The following BNIPL variants were observed in gnomAD, a reference collection of about 807,000 sequenced individuals.
The protein encoded by BNIPL is BCL2 interacting protein like.
A neutral mutation model predicts 47.0 loss-of-function variants in BNIPL; 33 were observed. That is an observed-to-expected ratio of 0.70 (90% confidence interval 0.53 to 0.94). The LOEUF is 0.94. Ranked by LOEUF, BNIPL falls within the 40% of genes least tolerant of loss-of-function variation. BNIPL has a pLI of 0.00. For missense variants in BNIPL, 404 were observed against 445.2 expected (o/e 0.91, Z 0.83); for synonymous variants, 145 against 162.7 (o/e 0.89, Z 0.83).
rs1215062374 is a variant in BNIPL, at chr1:151,046,269, G to A, written c.1037+104G>A. The A allele has an allele frequency of 4.0e-6, 6 of 1,500,346 alleles. No individual in the cohort carries two copies. In the East Asian group the frequency reaches 1.2e-4, roughly 31 times the overall value. The allele number at this position is 1,500,346 out of a possible 1,614,324, so 92.9% of individuals were successfully genotyped here. On this transcript the variant is annotated intron_variant, in intron 9 of 9. Coordinates refer to ENST00000368931, the MANE Select transcript of BNIPL (RefSeq NM_138278.4). ...CATACAAAAGAACGAAAAGCTAGAG[G>A]GCCCTGTTTTCGGGTGCTTTAATGT...
chr1:151,045,894 T>C lies in BNIPL; in HGVS notation c.938+11T>C, dbSNP rs1415303457. On this transcript the variant is annotated intron_variant, in intron 8 of 9. Coordinates refer to ENST00000368931, the MANE Select transcript of BNIPL (RefSeq NM_138278.4). ...TCGGCCCTTCATCAGGTACTAGTTCTAGGAACAAGGACTCCTTTCTCCTTC... is the reference window on the plus strand; with the variant it reads ...TCGGCCCTTCATCAGGTACTAGTTCCAGGAACAAGGACTCCTTTCTCCTTC... 15 of 1,614,042 alleles carry C rather than the reference T, an allele frequency of 9.3e-6. No homozygotes were observed. Among genetic ancestry groups the C allele is most frequent in the Non-Finnish European group, 1.2e-5 (14 of 1,180,036 alleles).
intron 4 of BNIPL, among the ~76,000 whole-genome samples, chr1:151,039,590 G>C (rs1323489374): frequency 6.6e-6 from 1 of 152,146 alleles, no homozygotes; most frequent in African/African-American, 2.4e-5. Flanking sequence ...TTCAAAGTAT[G>C]AGCATGACTA....
rs748347003 is a variant in BNIPL, at chr1:151,037,665, G to A, written c.137+3G>A. ...TGGCAGGATGAAGAATTCCCTAGGT[G>A]AGGACGTGTGAGGGTGGCTGGGAGA... On this transcript the variant is annotated splice_donor_region_variant and intron_variant, in intron 2 of 9. Coordinates refer to ENST00000368931, the MANE Select transcript of BNIPL (RefSeq NM_138278.4). 45 of 1,586,002 alleles carry A rather than the reference G, an allele frequency of 2.8e-5. No homozygotes were observed. Among genetic ancestry groups the A allele is most frequent in the Non-Finnish European group, 3.0e-5 (35 of 1,164,688 alleles).
Position 151,046,731 on chromosome 1 carries a change from C to T in BNIPL, c.*44C>T. 1 of 1,479,616 alleles carries T rather than the reference C, an allele frequency of 6.8e-7. No individual in the cohort carries two copies. Among genetic ancestry groups the T allele is most frequent in the Non-Finnish European group, 9.4e-7 (1 of 1,066,664 alleles). 91.7% of individuals were successfully genotyped at this position (1,479,616 alleles called of 1,614,324 possible). On this transcript the variant is annotated 3_prime_UTR_variant, in exon 10 of 10. Transcript: ENST00000368931. ...GCCTTAGAACCAGTTAGTGATCTGC[C>T]TACACCTGAATCCCTGAAACATCTG...
Position 151,043,026 on chromosome 1 carries a change from G to A in BNIPL, c.504G>A (p.Trp168Ter). 6.2e-7 allele frequency: 1 copy of A among 1,612,162 alleles called. No homozygotes were observed. Among genetic ancestry groups the A allele is most frequent in the Non-Finnish European group, 8.5e-7 (1 of 1,179,518 alleles). The change falls in exon 5 of 10, where the codon TGG (tryptophan) becomes TGA (stop). Residue 168 changes from tryptophan to a stop codon, truncating the protein, a stop_gained. Transcript: ENST00000368931. LOFTEE classifies it high-confidence loss of function. ...TAERLGRGCM[W>*]DVTGEDGHHW... is the part of the protein sequence containing the mutation. ...AAAGGCTGGGCCGAGGTTGTATGTGGGATGTGACTGGAGAAGATGGACATC... is the reference window on the plus strand; with the variant it reads ...AAAGGCTGGGCCGAGGTTGTATGTGAGATGTGACTGGAGAAGATGGACATC...
Position 151,046,141 on chromosome 1 carries a change from T to A in BNIPL, c.1013T>A (p.Val338Asp). 6.2e-7 allele frequency: 1 copy of A among 1,614,140 alleles called. No individual in the cohort carries two copies. The highest frequency in any genetic ancestry group is 8.5e-7 in the Non-Finnish European group (1 of 1,180,002). Residue 338 changes from valine (V) to aspartate (D), a missense_variant, in exon 9 of 10, where the codon GTC becomes GAC. Val to Asp is a radical substitution (Grantham distance 152, BLOSUM62 -3). Coordinates refer to ENST00000368931, the MANE Select transcript of BNIPL (RefSeq NM_138278.4). Reference sequence around the variant, plus strand: ...GCCCAACTCATATCCCTGGATCAAGTCCACATCCCTGAAGCTGTCAGACAG... The same window carrying A: ...GCCCAACTCATATCCCTGGATCAAGACCACATCCCTGAAGCTGTCAGACAG... ...ELAQLISLDQ[V>D]HIPEAVRQLD...
intron 2 of BNIPL, among the ~76,000 whole-genome samples, 168 bp downstream of exon 2, chr1:151,037,830 GTC>G (rs993844063): frequency 6.6e-6 from 1 of 150,622 alleles, no homozygotes; most frequent in Admixed American, 6.6e-5. Context: ...GTGAAATCCC[GTC>G]TCTACTAAAA....
chr1:151,039,104 G>T (rs1675733198), intron 4 of BNIPL, 78 bp downstream of exon 4: 1 of 1,416,918 alleles, frequency 7.1e-7, no homozygotes, highest in Non-Finnish European at 9.3e-7. Context: ...TAATGGGACT[G>T]CAGTTAGAAC....
At chr1:151,042,048 T>C (rs1206785937) in intron 4 of BNIPL, among the ~76,000 whole-genome samples, 1 of 151,930 alleles carries the variant, frequency 6.6e-6, no homozygotes, top group Non-Finnish European at 1.5e-5. Flanking sequence ...ATTATTATTT[T>C]TGAGACAGAG....
Position 151,037,599 on chromosome 1 carries a change from G to T in BNIPL, c.74G>T (p.Gly25Val). 1 of 1,607,804 alleles carries T rather than the reference G, an allele frequency of 6.2e-7. No homozygotes were observed. Among genetic ancestry groups the T allele is most frequent in the South Asian group, 1.1e-5 (1 of 89,784 alleles). Residue 25 changes from glycine (G) to valine (V), a missense_variant, in exon 2 of 10, where the codon GGA becomes GTA. By Grantham distance (109) the Gly-to-Val change is moderately radical. Coordinates refer to ENST00000368931, the MANE Select transcript of BNIPL (RefSeq NM_138278.4). The part of the protein sequence containing the change: ...VREIAEAPEL[G>V]AALRHGELEL... The stretch of plus-strand genomic sequence containing the variant: ...GAGATTGCAGAAGCACCAGAACTAG[G>T]AGCAGCCCTGAGACATGGGGAGTTG...
chr1:151,038,610 T>C (rs199826141), intron 3 of BNIPL, 42 bp downstream of exon 3: 1 of 1,603,388 alleles, frequency 6.2e-7, no homozygotes, highest in African/African-American at 1.3e-5. Flanking sequence ...TTGATTCTAG[T>C]CCAGTAAAGG....
intron 7 of BNIPL, 116 bp from the exon 8 acceptor site, chr1:151,045,681 T>A (rs587734629): frequency 7.5e-4 from 1,143 of 1,533,898 alleles, no homozygotes; most frequent in Non-Finnish European, 9.4e-4. Context: ...AAGTACCAGA[T>A]AAATCTAGAA....
chr1:151,037,476 C>A, intron 1 of BNIPL, 91 bp from the exon 2 acceptor site: 2 of 1,510,368 alleles, frequency 1.3e-6, no homozygotes, highest in Admixed American at 4.1e-5. Flanking sequence ...GGCCTATCCT[C>A]TGCTCTGTAT....
At chr1:151,042,929 T>G in intron 4 of BNIPL, 27 bp from the exon 5 acceptor site, 1 of 1,480,876 alleles carries the variant, frequency 6.8e-7, no homozygotes, top group Non-Finnish European at 9.0e-7. Flanking sequence ...TCTGCCTTGT[T>G]GATCCTTCCC....
At chr1:151,039,618 G>A (rs374046225) in intron 4 of BNIPL, among the ~76,000 whole-genome samples, 3 of 152,132 alleles carry the variant, frequency 2.0e-5, no homozygotes, top group African/African-American at 4.8e-5. Context: ...ATGAAGGGCC[G>A]GGAGGTGAAG....
intron 8 of BNIPL, 25 bp downstream of exon 8, chr1:151,045,908 C>T (rs772129418): frequency 6.2e-7 from 1 of 1,613,882 alleles, no homozygotes; most frequent in Non-Finnish European, 8.5e-7. Flanking sequence ...AACAAGGACT[C>T]CTTTCTCCTT....
rs749616950 is a variant in BNIPL, at chr1:151,046,631, TC to T, written c.1038-15del. The T allele has an allele frequency of 6.3e-7, 1 of 1,593,946 alleles. No individual in the cohort carries two copies. On this transcript the variant is annotated intron_variant, in intron 9 of 9. Coordinates refer to ENST00000368931, the MANE Select transcript of BNIPL (RefSeq NM_138278.4). ...CCTACCCCCTGAACCACTTCTCTCC[TC>T]CCCCTCTCCCTCTCCTAGGCTGGAC...
Position 151,047,587 on chromosome 1 carries a change from G to A in BNIPL, c.*900G>A. The A allele has an allele frequency of 1.9e-6, 1 of 529,512 alleles. No homozygotes were observed. The highest frequency in any genetic ancestry group is 3.2e-6 in the Non-Finnish European group (1 of 307,728). 32.8% of individuals were successfully genotyped at this position (529,512 alleles called of 1,614,324 possible). A position where few individuals can be genotyped will look rare whatever the true frequency, so the allele number is the denominator to read the frequency against. On this transcript the variant is annotated 3_prime_UTR_variant, in exon 10 of 10. Transcript: ENST00000368931. ...TAATAAACTGCGATGAGACATTTAA[G>A]CTCTGCTCCAAAGAAGTGAACGACT...
intron 2 of BNIPL, 96 bp from the exon 3 acceptor site, chr1:151,038,408 A>T: frequency 1.1e-6 from 1 of 923,884 alleles, no homozygotes; most frequent in South Asian, 1.4e-5. Flanking sequence ...AGCATAGGTG[A>T]TAAAATCATG....
Sources: gnomAD v4.1 joint callset for allele counts (sites outside exome capture counted in the v4.1 genomes callset) on GRCh38, gnomAD v4.1.1 for gene constraint, MANE v1.5 for transcripts, NCBI Gene and HGNC (gene_info 2026-07-23, HGNC 2026-07-21) for gene names.